Variants in PKDCC observed in about 807,000 individuals in gnomAD.
PKDCC encodes the protein extracellular tyrosine-protein kinase PKDCC.
A neutral mutation model predicts 44.7 loss-of-function variants in PKDCC; 35 were observed. That is an observed-to-expected ratio of 0.78 (90% CI 0.60 to 1.04). The LOEUF is 1.04. PKDCC is among the 50% of genes least tolerant of loss of function. PKDCC has a pLI of 0.00. For synonymous variants in PKDCC, 353 were observed against 303.3 expected, an observed-to-expected ratio of 1.16 and a Z score of -1.70; for missense variants, 738 against 672.7, an observed-to-expected ratio of 1.10 and a Z score of -1.07.
At position 42,055,498 on chromosome 2, in the gene PKDCC, G is replaced by A; in HGVS notation, c.1222+105G>A. On this transcript the variant is annotated intron_variant, in intron 5 of 6. Coordinates refer to ENST00000294964, the MANE Select transcript of PKDCC (RefSeq NM_138370.3). This position sits in a 1 kb window ranked among gnomAD's most constrained non-coding sequence, Gnocchi z 4.5. ...GCTCACCCTTTCTCTGGGGACCCTT[G>A]TCTCCAAAGGCCACTGTAGGGGCTC... 1.1e-6 allele frequency: 1 copy of A among 935,262 alleles called. No homozygotes were observed. Among genetic ancestry groups the A allele is most frequent in the Non-Finnish European group, 1.6e-6 (1 of 607,780 alleles). The allele number at this position is 935,262 out of a possible 1,614,324, so 57.9% of individuals were successfully genotyped here.
In PKDCC at chr2:42,048,662, G is replaced by C; in HGVS notation, c.463G>C (p.Val155Leu). 1 of 1,546,056 alleles carries C rather than the reference G, an allele frequency of 6.5e-7. No homozygotes were observed. Among genetic ancestry groups the C allele is most frequent in the Non-Finnish European group, 8.7e-7 (1 of 1,146,278 alleles). The change falls in exon 1 of 7, where the codon GTC (valine) becomes CTC (leucine). Residue 155 changes from valine (V) to leucine (L), a missense_variant. By Grantham distance (32) the Val-to-Leu change is conservative (BLOSUM62 1). Coordinates refer to ENST00000294964, the MANE Select transcript of PKDCC (RefSeq NM_138370.3). The surrounding 1 kb of genome is among the most constrained non-coding windows in gnomAD (Gnocchi z 6.2). ...AGGCTACACCAAGGCCGTGTACCGG[G>C]TCCGCCTGCCCGGCGGTGCCGCGGT... ...GSGYTKAVYR[V>L]RLPGGAAVAL...
intron 1 of PKDCC, among the ~76,000 whole-genome samples, chr2:42,049,713 AC>A (rs1667935713): frequency 6.6e-6 from 1 of 152,156 alleles, no homozygotes; most frequent in Non-Finnish European, 1.5e-5. Flanking sequence ...TCCAAGCTAG[AC>A]TTTGAGTGGG....
chr2:42,051,164 A>T lies in PKDCC; in HGVS notation c.640-2075A>T, dbSNP rs190845593. Among the ~76,000 whole-genome samples the T allele has an allele frequency of 1.4e-4, 21 of 152,162 alleles. No individual in the cohort carries two copies. The highest frequency in any genetic ancestry group is 9.7e-4 in the East Asian group (5 of 5,172). On this transcript the variant is annotated intron_variant, in intron 1 of 6. Coordinates refer to ENST00000294964, the MANE Select transcript of PKDCC (RefSeq NM_138370.3). The surrounding 1 kb of genome is among the most constrained non-coding windows in gnomAD (Gnocchi z 4.2). ...TAGCAGGCCCCATTCTGCACCTCCC[A>T]GGGCTTTCTCTGGTCATGGGGATTG...
At position 42,054,027 on chromosome 2, in the gene PKDCC, G is replaced by A. The variant is rs1441111071; in HGVS notation, c.763-9G>A. ...AAAGCAGTGAGCAGTCTTTTCTTGT[G>A]CCCCTCAGATCTGCCTGAGCCTGGG... On this transcript the variant is annotated splice_polypyrimidine_tract_variant and intron_variant, in intron 2 of 6. Coordinates refer to ENST00000294964, the MANE Select transcript of PKDCC (RefSeq NM_138370.3). This position sits in a 1 kb window ranked among gnomAD's most constrained non-coding sequence, Gnocchi z 6.1. The A allele has an allele frequency of 6.2e-7, 1 of 1,606,604 alleles. No individual in the cohort carries two copies. The highest frequency in any genetic ancestry group is 2.2e-5 in the East Asian group (1 of 44,722).
intron 2 of PKDCC, 88 bp downstream of exon 2, chr2:42,053,449 C>G: frequency 6.7e-7 from 1 of 1,487,718 alleles, no homozygotes. Context: ...GCTCCCACTC[C>G]TCCTCCACCC....
chr2:42,052,739 CAA>C lies in PKDCC; in HGVS notation c.640-488_640-487del, dbSNP rs567556529. Among the ~76,000 whole-genome samples the C allele has an allele frequency of 1.1e-4, 13 of 115,266 alleles. No homozygotes were observed. The highest frequency in any genetic ancestry group is 3.7e-5 in the Non-Finnish European group (2 of 53,504). The allele number at this position is 115,266 out of a possible 152,430, so 75.6% of individuals were successfully genotyped here. A position where few individuals can be genotyped will look rare whatever the true frequency, so the allele number is the denominator to read the frequency against. ...CCTGGGCAACAGAGCGAGGCTGTCT[CAA>C]AAAAAAAAAAAGAAAAGAAAAGAAA... On this transcript the variant is annotated intron_variant, in intron 1 of 6. Transcript: ENST00000294964. This position sits in a 1 kb window ranked among gnomAD's most constrained non-coding sequence, Gnocchi z 4.3.
Position 42,055,377 on chromosome 2 carries a change from G to C in PKDCC, c.1206G>C (p.Thr402=), listed in dbSNP as rs374897238. The change falls in exon 5 of 7, where the codon ACG becomes ACC. Residue 402 remains threonine (T), a synonymous_variant. Transcript: ENST00000294964. The surrounding 1 kb of genome is among the most constrained non-coding windows in gnomAD (Gnocchi z 4.5). ...GCGGGCAGTATCTGCAGAACTCCAC[G>C]GCAAGCAGCAGTACCGGTGAGTGGC... is the stretch of plus-strand genomic sequence containing the variant. The part of the protein sequence containing the change: ...YRSGQYLQNS[T]ASSSTEYQCI... The C allele has an allele frequency of 4.5e-5, 73 of 1,613,546 alleles. 1 individual carries two copies. The Middle Eastern group carries it at 9.9e-4, about 22-fold the overall frequency.
In PKDCC at chr2:42,048,331, C is replaced by A; in HGVS notation, c.132C>A (p.Ala44=). ...RPGQSPEPSP[A]PGPGRRGGRG... ...GCCAGTCCCCTGAGCCTTCGCCGGC[C>A]CCGGGTCCGGGCCGTCGCGGGGGCC... Residue 44 remains alanine (A), a synonymous_variant, in exon 1 of 7, where the codon GCC becomes GCA. Transcript: ENST00000294964. The surrounding 1 kb of genome is among the most constrained non-coding windows in gnomAD (Gnocchi z 6.2). The A allele has an allele frequency of 8.4e-7, 1 of 1,184,864 alleles. No homozygotes were observed. The highest frequency in any genetic ancestry group is 1.6e-5 in the African/African-American group (1 of 61,500). 73.4% of individuals were successfully genotyped at this position (1,184,864 alleles called of 1,614,324 possible).
At position 42,058,118 on chromosome 2, in the gene PKDCC, A is replaced by T. The variant is rs868091099; in HGVS notation, c.*430A>T. 5.5e-6 allele frequency: 1 copy of T among 180,582 alleles called. No homozygotes were observed. The highest frequency in any genetic ancestry group is 2.4e-5 in the African/African-American group (1 of 42,258). The allele number at this position is 180,582 out of a possible 1,614,324, so 11.2% of individuals were successfully genotyped here. A position where few individuals can be genotyped will look rare whatever the true frequency, so the allele number is the denominator to read the frequency against. On this transcript the variant is annotated 3_prime_UTR_variant, in exon 7 of 7. Transcript: ENST00000294964. The surrounding 1 kb of genome is among the most constrained non-coding windows in gnomAD (Gnocchi z 4.2). ...GGTGGGGGCTGCGTGGGGACAATCC[A>T]TCGTGGAGTGTTCTCTCAGCTTAGG...
chr2:42,048,589 G>C lies in PKDCC; in HGVS notation c.390G>C (p.Leu130=). 6.7e-7 allele frequency: 1 copy of C among 1,485,270 alleles called. No individual in the cohort carries two copies. Among genetic ancestry groups the C allele is most frequent in the Non-Finnish European group, 8.9e-7 (1 of 1,118,092 alleles). 92.0% of individuals were successfully genotyped at this position (1,485,270 alleles called of 1,614,324 possible). The change falls in exon 1 of 7, where the codon CTG becomes CTC. Residue 130 remains leucine, a synonymous_variant. Transcript: ENST00000294964. The surrounding 1 kb of genome is among the most constrained non-coding windows in gnomAD (Gnocchi z 6.2). ...GPGSPGPGPR[L]GCAALRNVSG... is the part of the protein sequence containing the mutation. The stretch of plus-strand genomic sequence containing the variant: ...GCTCCCCCGGCCCGGGCCCGCGCCT[G>C]GGCTGCGCCGCGCTTCGCAACGTGT...
At position 42,057,599 on chromosome 2, in the gene PKDCC, C is replaced by G; in HGVS notation, c.1397-4C>G. Reference sequence around the variant, plus strand: ...CCCTGTTACCTCTCACCTCTGCCCCCCAGGTCGGCAGCTGGTCTTTTTCAA... The same window carrying G: ...CCCTGTTACCTCTCACCTCTGCCCCGCAGGTCGGCAGCTGGTCTTTTTCAA... On this transcript the variant is annotated splice_region_variant and splice_polypyrimidine_tract_variant and intron_variant, in intron 6 of 6. Coordinates refer to ENST00000294964, the MANE Select transcript of PKDCC (RefSeq NM_138370.3). The G allele has an allele frequency of 6.2e-7, 1 of 1,613,456 alleles. No homozygotes were observed. Among genetic ancestry groups the G allele is most frequent in the Non-Finnish European group, 8.5e-7 (1 of 1,179,800 alleles).
intron 1 of PKDCC, among the ~76,000 whole-genome samples, chr2:42,049,337 G>C (rs184847639): frequency 6.6e-6 from 1 of 152,276 alleles, no homozygotes; most frequent in Non-Finnish European, 1.5e-5. Flanking sequence ...GCTGGAAAGA[G>C]ACCATGTGTC....
rs1668045734 is a variant in PKDCC, at chr2:42,055,853, A to G, written c.1222+460A>G. Among the ~76,000 whole-genome samples, 1 of 152,116 alleles carries G rather than the reference A, an allele frequency of 6.6e-6. No individual in the cohort carries two copies. Among genetic ancestry groups the G allele is most frequent in the African/African-American group, 2.4e-5 (1 of 41,410 alleles). On this transcript the variant is annotated intron_variant, in intron 5 of 6. Coordinates refer to ENST00000294964, the MANE Select transcript of PKDCC (RefSeq NM_138370.3). The surrounding 1 kb of genome is among the most constrained non-coding windows in gnomAD (Gnocchi z 4.5). Reference sequence around the variant, plus strand: ...ATGTTTGCTTCCCTTTCCTTCCTCTAACCTCCCGGGGCTAGAAGGGCACTG... The same window carrying G: ...ATGTTTGCTTCCCTTTCCTTCCTCTGACCTCCCGGGGCTAGAAGGGCACTG...
intron 1 of PKDCC, among the ~76,000 whole-genome samples, chr2:42,050,042 G>A (rs963388332): frequency 2.6e-5 from 4 of 152,168 alleles, no homozygotes; most frequent in Non-Finnish European, 4.4e-5. Flanking sequence ...GGTGGGCGTC[G>A]TAGAGCAGGA....
Position 42,054,587 on chromosome 2 carries a change from C to G in PKDCC, c.1034+280C>G, listed in dbSNP as rs182844183. 1,957 of 544,392 alleles carry G rather than the reference C, an allele frequency of 3.6e-3. 23 individuals are homozygous for G. Among genetic ancestry groups the G allele is most frequent in the South Asian group, 0.017 (700 of 40,086 alleles). 33.7% of individuals were successfully genotyped at this position (544,392 alleles called of 1,614,324 possible). ...TAGGGCTGGTGGAACTGGCACTTTT[C>G]CCTTCCCACCCAGGCCCTTGTGCTC... On this transcript the variant is annotated intron_variant, in intron 3 of 6. Transcript: ENST00000294964. This position sits in a 1 kb window ranked among gnomAD's most constrained non-coding sequence, Gnocchi z 6.1.
chr2:42,055,131 T>C lies in PKDCC; in HGVS notation c.1114+111T>C. On this transcript the variant is annotated intron_variant, in intron 4 of 6. Transcript: ENST00000294964. The surrounding 1 kb of genome is among the most constrained non-coding windows in gnomAD (Gnocchi z 4.5). ...AGCAGGGGTTCTAGAAACCATCACT[T>C]CCTAAGGTGGCATTCTGCCGCAACC... 1 of 1,355,714 alleles carries C rather than the reference T, an allele frequency of 7.4e-7. No homozygotes were observed. The highest frequency in any genetic ancestry group is 1.0e-6 in the Non-Finnish European group (1 of 954,794). 84.0% of individuals were successfully genotyped at this position (1,355,714 alleles called of 1,614,324 possible).
chr2:42,050,628 C>A (rs764193071), intron 1 of PKDCC, among the ~76,000 whole-genome samples: 7 of 152,162 alleles, frequency 4.6e-5, no homozygotes, highest in Non-Finnish European at 1.5e-5. Flanking sequence ...ATAGTTTTCA[C>A]CCTTCCCTCA....
In PKDCC at chr2:42,055,296, C is replaced by T; in HGVS notation, c.1125C>T (p.Ala375=). 6.2e-7 allele frequency: 1 copy of T among 1,613,070 alleles called. No individual in the cohort carries two copies. Among genetic ancestry groups the T allele is most frequent in the Non-Finnish European group, 8.5e-7 (1 of 1,179,880 alleles). Residue 375 remains alanine (A), a synonymous_variant, in exon 5 of 7, where the codon GCC becomes GCT. Transcript: ENST00000294964. This position sits in a 1 kb window ranked among gnomAD's most constrained non-coding sequence, Gnocchi z 4.5. ...DSIVNATGEL[A]WGVDETLAQL... ...CACTGCACTCTGCAGGAGAGCTCGC[C>T]TGGGGGGTGGACGAGACCCTGGCCC...
chr2:42,054,089 C>CTGGACT lies in PKDCC; in HGVS notation c.817_818insGGACTT (p.Gly272_Ser273insTrpThr). On this transcript the variant is annotated inframe_insertion, in exon 3 of 7. Coordinates refer to ENST00000294964, the MANE Select transcript of PKDCC (RefSeq NM_138370.3). This position sits in a 1 kb window ranked among gnomAD's most constrained non-coding sequence, Gnocchi z 6.1. ...ACCACCTGGCCCACTCCCCACTGGGCTCCGTCACTCTGCTGGACTTCCGCC... is the reference window on the plus strand; with the variant it reads ...ACCACCTGGCCCACTCCCCACTGGGCTGGACTTCCGTCACTCTGCTGGACTTCCGCC... The CTGGACT allele has an allele frequency of 6.2e-7, 1 of 1,612,678 alleles. No individual in the cohort carries two copies. The highest frequency in any genetic ancestry group is 8.5e-7 in the Non-Finnish European group (1 of 1,179,880).
Sources: allele counts gnomAD v4.1 joint callset (sites outside exome capture counted in the v4.1 genomes callset), GRCh38; gene constraint gnomAD v4.1.1; non-coding constraint Gnocchi (gnomAD v3.1); transcripts MANE v1.5; gene names NCBI Gene and HGNC (gene_info 2026-07-23, HGNC 2026-07-21).